Variants in ARL1 observed in about 807,000 individuals in gnomAD.
ARL1 encodes ADP-ribosylation factor-like protein 1.
Under a neutral mutation model 30.1 loss-of-function variants are expected in ARL1, and 17 were observed. The ratio of observed to expected loss-of-function variants is 0.56; its 90% CI spans 0.39 to 0.85. ARL1 has a LOEUF of 0.85. Among genes scored for constraint, ARL1 ranks in the 40% least tolerant of loss-of-function variants. The probability of loss-of-function intolerance (pLI) is 0.00; values close to 1 mark genes in which losing one functional copy is unlikely to be tolerated. For synonymous variants in ARL1, 58 were observed against 71.7 expected (o/e 0.81, Z 0.97); for missense variants, 102 against 212.6 (o/e 0.48, Z 3.24).
intron 2 of ARL1, 100 bp downstream of exon 2, chr12:101,405,744 C>T (rs1871423530): frequency 8.5e-6 from 11 of 1,297,058 alleles, no homozygotes; most frequent in Non-Finnish European, 9.2e-6. Flanking sequence ...AGTGATGATA[C>T]CTGATCTCTA....
chr12:101,393,584 C>T lies in ARL1; in HGVS notation c.*2056G>A, dbSNP rs527721176. The T allele has an allele frequency of 3.9e-5, 6 of 152,162 alleles. No individual in the cohort carries two copies. The highest frequency in any genetic ancestry group is 1.4e-4 in the African/African-American group (6 of 41,418). 9.4% of individuals were successfully genotyped at this position (152,162 alleles called of 1,614,324 possible). A position where few individuals can be genotyped will look rare whatever the true frequency, so the allele number is the denominator to read the frequency against. On this transcript the variant is annotated 3_prime_UTR_variant, in exon 6 of 6. Coordinates refer to ENST00000261636, the MANE Select transcript of ARL1 (RefSeq NM_001177.6). The stretch of plus-strand genomic sequence containing the variant: ...GCAGTTGTCTCCTGCTAGACAAGGA[C>T]CATATAATTTATAGCTTATTTAAGT...
chr12:101,396,273 C>T, intron 5 of ARL1, 126 bp downstream of exon 5: 1 of 1,253,782 alleles, frequency 8.0e-7, no homozygotes, highest in Non-Finnish European at 1.2e-6. Flanking sequence ...GCTTGAGGAA[C>T]TTATGAAATA....
rs1871054728 is a variant in ARL1, at chr12:101,393,154, ATATT to A, written c.*2482_*2485del. ...AGACGTCTTTGTTTTTAATCAATAC[ATATT>A]TATTGAGTGCCTACTGTGTGCCAGG... On this transcript the variant is annotated 3_prime_UTR_variant, in exon 6 of 6. Transcript: ENST00000261636. The A allele has an allele frequency of 6.6e-6, 1 of 152,180 alleles. No individual in the cohort carries two copies. The highest frequency in any genetic ancestry group is 1.5e-5 in the Non-Finnish European group (1 of 68,044). The allele number at this position is 152,180 out of a possible 1,614,324, so 9.4% of individuals were successfully genotyped here.
In ARL1 at chr12:101,393,455, TC is replaced by T. The variant is rs1871064747; in HGVS notation, c.*2184del. 1 of 152,306 alleles carries T rather than the reference TC, an allele frequency of 6.6e-6. No homozygotes were observed. Among genetic ancestry groups the T allele is most frequent in the Admixed American group, 6.5e-5 (1 of 15,300 alleles). 9.4% of individuals were successfully genotyped at this position (152,306 alleles called of 1,614,324 possible). A position where few individuals can be genotyped will look rare whatever the true frequency, so the allele number is the denominator to read the frequency against. On this transcript the variant is annotated 3_prime_UTR_variant, in exon 6 of 6. Coordinates refer to ENST00000261636, the MANE Select transcript of ARL1 (RefSeq NM_001177.6). ...CAGGAGTGGCCATTTGCACCTATGT[TC>T]TGATTTCAAGTTTGGTGTTTTACCC... is the stretch of plus-strand genomic sequence containing the variant.
chr12:101,394,157 A>G lies in ARL1; in HGVS notation c.*1483T>C, dbSNP rs1405339147. On this transcript the variant is annotated 3_prime_UTR_variant, in exon 6 of 6. Coordinates refer to ENST00000261636, the MANE Select transcript of ARL1 (RefSeq NM_001177.6). Reference sequence around the variant, plus strand: ...AGTCCCACGGGTGAAGGGAGAAAGCAGCAGAGAATGAATATAAGCCCGGAG... The same window carrying G: ...AGTCCCACGGGTGAAGGGAGAAAGCGGCAGAGAATGAATATAAGCCCGGAG... The G allele has an allele frequency of 2.0e-5, 3 of 152,220 alleles. No homozygotes were observed. The highest frequency in any genetic ancestry group is 4.4e-5 in the Non-Finnish European group (3 of 68,090). The allele number at this position is 152,220 out of a possible 1,614,324, so 9.4% of individuals were successfully genotyped here.
At chr12:101,403,877 T>G (rs1302748156) in intron 2 of ARL1, among the ~76,000 whole-genome samples, 1 of 152,146 alleles carries the variant, frequency 6.6e-6, no homozygotes, top group Admixed American at 6.5e-5. Flanking sequence ...TGAGAATCGC[T>G]TGAACCTGGG....
At chr12:101,405,713 TA>T in intron 2 of ARL1, 130 bp downstream of exon 2, 1 of 1,020,776 alleles carries the variant, frequency 9.8e-7, no homozygotes, top group Non-Finnish European at 1.3e-6. Context: ...GCCAAGAGTC[TA>T]AGACCAGCTT....
intron 3 of ARL1, chr12:101,401,619 A>G (rs1185234740): frequency 1.4e-5 from 2 of 138,862 alleles, no homozygotes; most frequent in African/African-American, 5.5e-5. Flanking sequence ...CTGGGCAACA[A>G]GAGTGAAACT....
chr12:101,399,508 CT>C (rs1649334977), intron 4 of ARL1, among the ~76,000 whole-genome samples: 1 of 67,190 alleles, frequency 1.5e-5, no homozygotes, highest in Non-Finnish European at 2.6e-5. Context: ...AAGACTCTGT[CT>C]AAAAAAAAAA....
chr12:101,405,356 T>A (rs1871410790), intron 2 of ARL1, among the ~76,000 whole-genome samples: 2 of 152,242 alleles, frequency 1.3e-5, no homozygotes, highest in South Asian at 4.1e-4. Context: ...TACACAGATT[T>A]AAAAGGTACT....
intron 4 of ARL1, 131 bp from the exon 5 acceptor site, chr12:101,396,708 TTA>T (rs1490729465): frequency 2.1e-5 from 14 of 666,576 alleles, no homozygotes; most frequent in Non-Finnish European, 2.5e-5. Context: ...TATATAGAAA[TTA>T]TATAGAGAAG....
intron 2 of ARL1, among the ~76,000 whole-genome samples, chr12:101,404,334 A>G (rs542784084): frequency 2.0e-5 from 3 of 152,252 alleles, no homozygotes; most frequent in Non-Finnish European, 2.9e-5. Context: ...CGCTGCAGTG[A>G]GCTATGAATG....
At chr12:101,406,201 G>A (rs552942811) in intron 1 of ARL1, among the ~76,000 whole-genome samples, 1 of 152,212 alleles carries the variant, frequency 6.6e-6, no homozygotes, top group South Asian at 2.1e-4. Flanking sequence ...ATTGTGTCAT[G>A]CAGGCACAGA....
rs533536754 is a variant in ARL1, at chr12:101,401,289, T to C, written c.225-116A>G. 7.5e-6 allele frequency: 5 copies of C among 666,474 alleles called. No homozygotes were observed. In the African/African-American group the frequency reaches 9.0e-5, roughly 12 times the overall value. The allele number at this position is 666,474 out of a possible 1,614,324, so 41.3% of individuals were successfully genotyped here. On this transcript the variant is annotated intron_variant, in intron 3 of 5. Transcript: ENST00000261636. ...GAATCAATGCCTTAATGATTCACTGTTTCTGGTGGATATATGTACCATATC... is the reference window on the plus strand; with the variant it reads ...GAATCAATGCCTTAATGATTCACTGCTTCTGGTGGATATATGTACCATATC...
chr12:101,404,725 T>G (rs1349067318), intron 2 of ARL1, among the ~76,000 whole-genome samples: 1 of 152,214 alleles, frequency 6.6e-6, no homozygotes, highest in African/African-American at 2.4e-5. Flanking sequence ...ACTACTCTTC[T>G]CTAAGTAAAT....
In ARL1 at chr12:101,402,990, T is replaced by G. The variant is rs754257324; in HGVS notation, c.143-44A>C. The G allele has an allele frequency of 2.3e-6, 3 of 1,325,116 alleles. No homozygotes were observed. The East Asian group carries it at 7.0e-5, about 31-fold the overall frequency. 82.1% of individuals were successfully genotyped at this position (1,325,116 alleles called of 1,614,324 possible). A position where few individuals can be genotyped will look rare whatever the true frequency, so the allele number is the denominator to read the frequency against. The stretch of plus-strand genomic sequence containing the variant: ...CAGTGGTATGTGTAGACTAATACAT[T>G]CCACCTTCAAAATATCCTATCTAAT... On this transcript the variant is annotated intron_variant, in intron 2 of 5. Coordinates refer to ENST00000261636, the MANE Select transcript of ARL1 (RefSeq NM_001177.6).
In ARL1 at chr12:101,401,136, C is replaced by T. The variant is rs1266416513; in HGVS notation, c.262G>A (p.Val88Ile). The change falls in exon 4 of 6, where the codon GTC becomes ATC. Residue 88 changes from valine to isoleucine, a missense_variant. Val to Ile is a conservative substitution (Grantham distance 29, BLOSUM62 3). Coordinates refer to ENST00000261636, the MANE Select transcript of ARL1 (RefSeq NM_001177.6). ...WRCYYSNTDA[V>I]IYVVDSCDRD... ...TCACAACTGTCTACTACATAAATGA[C>T]TGCATCTGTGTTTGAATAGTAACAT... is the stretch of plus-strand genomic sequence containing the variant. 2 of 1,613,716 alleles carry T rather than the reference C, an allele frequency of 1.2e-6. No homozygotes were observed. Among genetic ancestry groups the T allele is most frequent in the Admixed American group, 1.7e-5 (1 of 59,986 alleles).
At chr12:101,400,349 G>A (rs1871270389) in intron 4 of ARL1, 1 of 148,258 alleles carries the variant, frequency 6.7e-6, no homozygotes, top group African/African-American at 2.5e-5. Flanking sequence ...AGGAGTTTGG[G>A]ACCAGCCTGG....
Position 101,396,566 on chromosome 12 carries a change from C to T in ARL1, c.348G>A (p.Leu116=). The T allele has an allele frequency of 6.2e-7, 1 of 1,611,332 alleles. No individual in the cohort carries two copies. The highest frequency in any genetic ancestry group is 1.1e-5 in the South Asian group (1 of 90,798). Reference sequence around the variant, plus strand: ...CAAACACCACTAAAATGGCTTTTCTCAGCTCTTCTTCCTAAATGAAATTGA... The same window carrying T: ...CAAACACCACTAAAATGGCTTTTCTTAGCTCTTCTTCCTAAATGAAATTGA... ...ELVAMLEEEE[L]RKAILVVFAN... The change falls in exon 5 of 6, where the codon CTG becomes CTA. Residue 116 remains leucine (L), a synonymous_variant. Coordinates refer to ENST00000261636, the MANE Select transcript of ARL1 (RefSeq NM_001177.6).
Sources: gnomAD v4.1 joint callset for allele counts (sites outside exome capture counted in the v4.1 genomes callset) on GRCh38, gnomAD v4.1.1 for gene constraint, MANE v1.5 for transcripts, NCBI Gene and HGNC (gene_info 2026-07-23, HGNC 2026-07-21) for gene names.